The following SPOP variants were observed in gnomAD, a reference collection of about 807,000 sequenced individuals.
The protein encoded by SPOP is speckle-type POZ protein.
Under a neutral mutation model 45.6 loss-of-function variants are expected in SPOP, and 11 were observed. The observed-to-expected ratio is 0.24, with a 90% confidence interval of 0.15 to 0.40. The LOEUF (loss-of-function observed/expected upper bound fraction) is 0.40, where lower values mean the gene tolerates loss of function less well. Ranked by LOEUF, SPOP falls within the 10% of genes least tolerant of loss-of-function variation. The pLI, the probability that SPOP is intolerant of heterozygous loss-of-function variation, is 1.00. For missense variants in SPOP, 152 were observed against 465.6 expected (o/e 0.33, Z 6.20); for synonymous variants, 166 against 166.3 (o/e 1.00, Z 0.01).
chr17:49,618,086 T>C (rs953228869), intron 5 of SPOP, among the ~76,000 whole-genome samples: 39 of 152,250 alleles, frequency 2.6e-4, no homozygotes, highest in African/African-American at 8.7e-4. Context: ...GAGCCTATTA[T>C]TTGACCGAGC....
intron 1 of SPOP, among the ~76,000 whole-genome samples, chr17:49,631,173 T>C (rs2072444163): frequency 1.3e-5 from 2 of 152,156 alleles, no homozygotes; most frequent in African/African-American, 4.8e-5. Flanking sequence ...ATATAAAAGG[T>C]TTTTCACTGT....
Position 49,619,176 on chromosome 17 carries a change from A to G in SPOP, c.352+58T>C. The G allele has an allele frequency of 1.2e-6, 2 of 1,613,566 alleles. No homozygotes were observed. Among genetic ancestry groups the G allele is most frequent in the Non-Finnish European group, 1.7e-6 (2 of 1,179,836 alleles). On this transcript the variant is annotated intron_variant, in intron 4 of 9. Coordinates refer to ENST00000504102, the MANE Select transcript of SPOP (RefSeq NM_001007228.2). The surrounding 1 kb of genome is among the most constrained non-coding windows in gnomAD (Gnocchi z 4.9). ...AACCAGATCAAAGCCACAACTTGTCAGTGTATGAAACTTCTGGATGTGAAA... is the reference window on the plus strand; with the variant it reads ...AACCAGATCAAAGCCACAACTTGTCGGTGTATGAAACTTCTGGATGTGAAA...
In SPOP at chr17:49,611,331, A is replaced by G. The variant is rs1346246121; in HGVS notation, c.607T>C (p.Cys203Arg). The change falls in exon 6 of 10, where the codon TGC becomes CGC. Residue 203 changes from cysteine to arginine, a missense_variant. By Grantham distance (180) the Cys-to-Arg change is radical. This residue lies in a region of SPOP where 106 missense variants were observed against 255.2 expected (regional missense o/e 0.42). Coordinates refer to ENST00000504102, the MANE Select transcript of SPOP (RefSeq NM_001007228.2). ...AATTCCTGGCCGGCAACACACAAGC[A>G]GCAGTCTGTGAACCGGGAATTCTCC... ...LWENSRFTDC[C>R]LCVAGQEFQA... is the part of the protein sequence containing the mutation. 4.3e-6 allele frequency: 7 copies of G among 1,614,100 alleles called. No homozygotes were observed. The highest frequency in any genetic ancestry group is 4.2e-6 in the Non-Finnish European group (5 of 1,180,034).
chr17:49,675,980 A>G (rs953179195), intron 1 of SPOP: 1 of 152,206 alleles, frequency 6.6e-6, no homozygotes, highest in Non-Finnish European at 1.5e-5. Context: ...AGATCGCGCC[A>G]CTGCACTCCA....
chr17:49,611,070 T>G (rs2071962977), intron 6 of SPOP, among the ~76,000 whole-genome samples: 1 of 152,088 alleles, frequency 6.6e-6, no homozygotes, highest in South Asian at 2.1e-4. Context: ...ATGGCCTAGG[T>G]CCACTACAGA....
At chr17:49,621,547 C>T (rs778982367) in intron 3 of SPOP, among the ~76,000 whole-genome samples, 1 of 152,160 alleles carries the variant, frequency 6.6e-6, no homozygotes, top group Non-Finnish European at 1.5e-5. Flanking sequence ...CTTGAAAAAT[C>T]AGAAAATCTG....
chr17:49,612,151 T>G (rs1451895762), intron 5 of SPOP, among the ~76,000 whole-genome samples: 1 of 152,200 alleles, frequency 6.6e-6, no homozygotes, highest in Non-Finnish European at 1.5e-5. Flanking sequence ...CCCAAAGTGC[T>G]AAGATTATAG....
chr17:49,666,212 C>A (rs1223155457), intron 1 of SPOP, among the ~76,000 whole-genome samples: 1 of 151,368 alleles, frequency 6.6e-6, no homozygotes, highest in Non-Finnish European at 1.5e-5. Context: ...AACAGATGGA[C>A]TATTCAATAA....
chr17:49,600,964 T>C lies in SPOP; in HGVS notation c.981-442A>G, dbSNP rs987500321. 2 of 167,958 alleles carry C rather than the reference T, an allele frequency of 1.2e-5. No homozygotes were observed. Among genetic ancestry groups the C allele is most frequent in the East Asian group, 3.1e-4 (2 of 6,446 alleles). The allele number at this position is 167,958 out of a possible 1,614,324, so 10.4% of individuals were successfully genotyped here. ...AAAAAGAGGGGAGGATAACCATACT[T>C]CATTCAATGGTTAATATCTCAAAAG... On this transcript the variant is annotated intron_variant, in intron 9 of 9. Transcript: ENST00000504102. This position sits in a 1 kb window ranked among gnomAD's most constrained non-coding sequence, Gnocchi z 4.2.
chr17:49,622,192 C>T (rs2072233845), intron 2 of SPOP, 125 bp from the exon 3 acceptor site: 1 of 1,283,728 alleles, frequency 7.8e-7, no homozygotes, highest in Non-Finnish European at 1.1e-6. Context: ...TAGCAGTTTT[C>T]AGGTTTTTCT....
intron 1 of SPOP, among the ~76,000 whole-genome samples, chr17:49,662,827 G>A (rs758703993): frequency 6.6e-5 from 10 of 152,214 alleles, no homozygotes; most frequent in South Asian, 4.1e-4. Flanking sequence ...CTAACGATCC[G>A]GTAAAATTCC....
At chr17:49,655,511 C>CA (rs912580849) in intron 1 of SPOP, among the ~76,000 whole-genome samples, 214 of 121,834 alleles carry the variant, frequency 1.8e-3, no homozygotes, top group Middle Eastern at 4.3e-3. Context: ...ACTCCGTCTC[C>CA]AAAAAAAAAA....
intron 6 of SPOP, among the ~76,000 whole-genome samples, chr17:49,610,132 T>C (rs565855056): frequency 6.6e-6 from 1 of 152,240 alleles, no homozygotes; most frequent in Non-Finnish European, 1.5e-5. Flanking sequence ...GGGAGTTGCC[T>C]AAACATCTGT....
intron 1 of SPOP, among the ~76,000 whole-genome samples, chr17:49,658,340 CA>C (rs1469657723): frequency 6.6e-6 from 1 of 152,036 alleles, no homozygotes; most frequent in East Asian, 1.9e-4. Context: ...TTTTTTTCCA[CA>C]AATTATTTCA....
chr17:49,615,691 CTCTT>C (rs1247686073), intron 5 of SPOP, among the ~76,000 whole-genome samples: 3 of 152,080 alleles, frequency 2.0e-5, no homozygotes, highest in Non-Finnish European at 4.4e-5. Context: ...TTATGTCTCT[CTCTT>C]TCATTACCAA....
chr17:49,638,570 T>C lies in SPOP; in HGVS notation c.-66-15694A>G, dbSNP rs535958027. ...ACTGCACTCCAACCTGGTGACAGAGTGAGACTCTGTCTCAAAAAAAAAAAA... is the reference window on the plus strand; with the variant it reads ...ACTGCACTCCAACCTGGTGACAGAGCGAGACTCTGTCTCAAAAAAAAAAAA... On this transcript the variant is annotated intron_variant, in intron 1 of 9. Transcript: ENST00000504102. Among the ~76,000 whole-genome samples the C allele has an allele frequency of 6.6e-4, 85 of 129,696 alleles. No homozygotes were observed. In the Admixed American group the frequency reaches 6.6e-3, roughly 10 times the overall value. The allele number at this position is 129,696 out of a possible 152,430, so 85.1% of individuals were successfully genotyped here.
chr17:49,602,064 A>AC, intron 8 of SPOP, 57 bp from the exon 9 acceptor site: 1 of 1,586,920 alleles, frequency 6.3e-7, no homozygotes. Flanking sequence ...GCTGACCACT[A>AC]CTGAAGCTGT....
At chr17:49,641,263 C>CAAAA (rs34207707) in intron 1 of SPOP, among the ~76,000 whole-genome samples, 5 of 47,548 alleles carry the variant, frequency 1.1e-4, no homozygotes, top group Non-Finnish European at 1.5e-4. Context: ...ACTCTGTCTC[C>CAAAA]AAAAAAAAAA....
intron 1 of SPOP, among the ~76,000 whole-genome samples, chr17:49,659,006 CA>C (rs886901561): frequency 5.9e-5 from 9 of 152,206 alleles, no homozygotes; most frequent in African/African-American, 1.7e-4. Context: ...ATAAAAAGTG[CA>C]AAAGCCCAAA....
Sources: allele counts gnomAD v4.1 joint callset (sites outside exome capture counted in the v4.1 genomes callset), GRCh38; gene constraint gnomAD v4.1.1; regional missense constraint gnomAD v4.1.1; non-coding constraint Gnocchi (gnomAD v3.1); transcripts MANE v1.5; gene names NCBI Gene and HGNC (gene_info 2026-07-23, HGNC 2026-07-21).